IGF2BP2: variants seen among roughly 807,000 people sequenced by gnomAD.
IGF2BP2 encodes insulin-like growth factor 2 mRNA-binding protein 2.
IGF2BP2 carries 17 observed loss-of-function variants against 75.8 expected under a neutral mutation model. That is an observed-to-expected ratio of 0.22 (90% CI 0.15 to 0.34). The LOEUF (loss-of-function observed/expected upper bound fraction) is 0.34, where lower values mean the gene tolerates loss of function less well. IGF2BP2 is among the 10% of genes least tolerant of loss of function. The pLI, the probability that IGF2BP2 is intolerant of heterozygous loss-of-function variation, is 1.00. For missense variants in IGF2BP2, 516 were observed against 772.4 expected, an observed-to-expected ratio of 0.67 and a Z score of 3.93; for synonymous variants, 288 against 295.6, an observed-to-expected ratio of 0.97 and a Z score of 0.26.
chr3:185,692,811 C>T (rs1722128322), intron 4 of IGF2BP2, 49 bp from the exon 5 acceptor site: 2 of 1,557,096 alleles, frequency 1.3e-6, no homozygotes, highest in East Asian at 4.5e-5. Flanking sequence ...GTGCTGTCAC[C>T]CTCTGGCTTA....
At chr3:185,742,186 T>TACAA (rs1380044385) in intron 2 of IGF2BP2, among the ~76,000 whole-genome samples, 1 of 135,716 alleles carries the variant, frequency 7.4e-6, no homozygotes. Flanking sequence ...GCCCACCTCT[T>TACAA]AAAAAAAAAA....
chr3:185,698,213 T>G, intron 3 of IGF2BP2, 86 bp downstream of exon 3: 1 of 1,165,488 alleles, frequency 8.6e-7, no homozygotes, highest in East Asian at 2.3e-5. Flanking sequence ...TGGGAAACAC[T>G]GAGGCCCTCT....
intron 7 of IGF2BP2, among the ~76,000 whole-genome samples, chr3:185,677,058 TA>T (rs1560276111): frequency 1.8e-5 from 1 of 54,560 alleles, no homozygotes; most frequent in African/African-American, 8.3e-5. Flanking sequence ...TATATATATA[TA>T]TATATATATA....
chr3:185,687,533 A>G (rs1342788391), intron 6 of IGF2BP2, among the ~76,000 whole-genome samples: 1 of 152,222 alleles, frequency 6.6e-6, no homozygotes, highest in Non-Finnish European at 1.5e-5. Context: ...TAAAGTGAGA[A>G]GGATAATACT....
intron 1 of IGF2BP2, among the ~76,000 whole-genome samples, chr3:185,824,287 G>C (rs1741749981): frequency 6.6e-6 from 1 of 151,292 alleles, no homozygotes; most frequent in East Asian, 2.0e-4. Context: ...GTGCGGCTCA[G>C]GAGACGCCAG....
intron 2 of IGF2BP2, chr3:185,814,163 GTCTCCTCCTTTCTCC>G (rs1204077717): frequency 2.0e-5 from 3 of 152,078 alleles, no homozygotes; most frequent in Non-Finnish European, 4.4e-5. Flanking sequence ...CACTTCTATG[GTCTCCTCCTTTCTCC>G]TCTCCTCCCT....
rs560760359 is a variant in IGF2BP2, at chr3:185,686,584, T to C, written c.812+473A>G. Reference sequence around the variant, plus strand: ...ATAAATGATAGCTTTGGTGACAACATACTTTCTACACTTGCACTGTCCAAT... The same window carrying C: ...ATAAATGATAGCTTTGGTGACAACACACTTTCTACACTTGCACTGTCCAAT... On this transcript the variant is annotated intron_variant, in intron 7 of 15. Transcript: ENST00000382199. Among the ~76,000 whole-genome samples, 4 of 152,166 alleles carry C rather than the reference T, an allele frequency of 2.6e-5. No homozygotes were observed. The South Asian group carries it at 6.2e-4, about 24-fold the overall frequency.
chr3:185,725,975 A>T (rs574016294), intron 2 of IGF2BP2, among the ~76,000 whole-genome samples: 1 of 152,298 alleles, frequency 6.6e-6, no homozygotes, highest in Admixed American at 6.5e-5. Flanking sequence ...ATAAATTAAT[A>T]AATTAATTAC....
rs773155755 is a variant in IGF2BP2, at chr3:185,692,743, G to A, written c.360C>T (p.Thr120=). The A allele has an allele frequency of 4.6e-5, 74 of 1,613,686 alleles. No homozygotes were observed. The highest frequency in any genetic ancestry group is 1.6e-4 in the Middle Eastern group (1 of 6,084). ...NVEQVNTDTE[T]AVVNVTYATR... ...TTGCATATGTGACGTTGACAACGGC[G>A]GTTTCTGTGTCTGTGTTGACTAGGG... The change falls in exon 5 of 16, where the codon ACC becomes ACT. Residue 120 remains threonine, a synonymous_variant. Coordinates refer to ENST00000382199, the MANE Select transcript of IGF2BP2 (RefSeq NM_006548.6).
At chr3:185,732,455 C>T (rs989718004) in intron 2 of IGF2BP2, among the ~76,000 whole-genome samples, 1 of 152,202 alleles carries the variant, frequency 6.6e-6, no homozygotes, top group Non-Finnish European at 1.5e-5. Flanking sequence ...GACATTTTGA[C>T]TCACTAGCAA....
chr3:185,704,054 G>C (rs984216472), intron 2 of IGF2BP2, among the ~76,000 whole-genome samples: 2 of 152,148 alleles, frequency 1.3e-5, no homozygotes, highest in Admixed American at 6.5e-5. Context: ...AGGCAACATA[G>C]AGGGCCTTGT....
intron 2 of IGF2BP2, among the ~76,000 whole-genome samples, chr3:185,736,558 G>C (rs1000983601): frequency 2.0e-5 from 3 of 152,212 alleles, no homozygotes; most frequent in African/African-American, 7.2e-5. Flanking sequence ...ACATCTTGGG[G>C]ATGACATTTC....
At chr3:185,745,580 A>C (rs1295994733) in intron 2 of IGF2BP2, among the ~76,000 whole-genome samples, 1 of 152,224 alleles carries the variant, frequency 6.6e-6, no homozygotes, top group East Asian at 1.9e-4. Flanking sequence ...AAGAGACGGC[A>C]AGAATGCCTA....
rs577624879 is a variant in IGF2BP2 at position 185,801,217 on chromosome 3, C to T, written c.239+21936G>A. On this transcript the variant is annotated intron_variant, in intron 2 of 15. Transcript: ENST00000382199. ...TAAAAAGTCAGGAAACAGCTGGGCA[C>T]GGTGGCTCACGCCAGTAATCCCAGC... Among the ~76,000 whole-genome samples, 8 of 152,188 alleles carry T rather than the reference C, an allele frequency of 5.3e-5. No individual in the cohort carries two copies. In the South Asian group the frequency reaches 1.0e-3, roughly 20 times the overall value.
intron 2 of IGF2BP2, among the ~76,000 whole-genome samples, chr3:185,781,632 C>T (rs1454535234): frequency 6.6e-6 from 1 of 152,162 alleles, no homozygotes; most frequent in Non-Finnish European, 1.5e-5. Flanking sequence ...ATATGCATGC[C>T]TTTATTTATA....
At chr3:185,790,806 T>C (rs1736546284) in intron 2 of IGF2BP2, among the ~76,000 whole-genome samples, 1 of 152,194 alleles carries the variant, frequency 6.6e-6, no homozygotes, top group South Asian at 2.1e-4. Flanking sequence ...AAAAGAGTGT[T>C]ACCTTTCAAA....
intron 10 of IGF2BP2, among the ~76,000 whole-genome samples, chr3:185,668,487 CGAGAGAGAGAGAGA>C (rs1274930634): frequency 6.4e-5 from 8 of 124,814 alleles, no homozygotes; most frequent in African/African-American, 1.8e-4. Context: ...TTCATTTGTT[CGAGAGAGAGAGAGA>C]GAGAGAGATA....
intron 2 of IGF2BP2, among the ~76,000 whole-genome samples, chr3:185,779,435 T>C (rs1435069503): frequency 1.3e-5 from 2 of 152,182 alleles, no homozygotes; most frequent in Non-Finnish European, 1.5e-5. Flanking sequence ...TCAAGATGAC[T>C]GGGGGCTATG....
intron 2 of IGF2BP2, chr3:185,722,234 G>T (rs776884276): frequency 6.6e-6 from 3 of 455,530 alleles, no homozygotes; most frequent in Non-Finnish European, 1.3e-5. Flanking sequence ...ATGCCCAGCC[G>T]CAAGTGTTTA....
Sources: gnomAD v4.1 joint callset for allele counts (sites outside exome capture counted in the v4.1 genomes callset) on GRCh38, gnomAD v4.1.1 for gene constraint, MANE v1.5 for transcripts, NCBI Gene and HGNC (gene_info 2026-07-23, HGNC 2026-07-21) for gene names.